Variants in CNTNAP2 observed in about 807,000 individuals in gnomAD.
CNTNAP2 encodes the protein contactin associated protein 2.
A neutral mutation model predicts 155.2 loss-of-function variants in CNTNAP2; 98 were observed. That is an observed-to-expected ratio of 0.63 (90% CI 0.54 to 0.75). CNTNAP2 has a LOEUF of 0.75. Ranked by LOEUF, CNTNAP2 falls within the 30% of genes least tolerant of loss-of-function variation. The pLI is 0.00. For synonymous variants in CNTNAP2, 651 were observed against 631.2 expected, an observed-to-expected ratio of 1.03 and a Z score of -0.47; for missense variants, 1,727 against 1,688.1, an observed-to-expected ratio of 1.02 and a Z score of -0.40.
At chr7:147,802,099 C>A (rs1217439226) in intron 13 of CNTNAP2, among the ~76,000 whole-genome samples, 21 of 139,836 alleles carry the variant, frequency 1.5e-4, no homozygotes, top group Admixed American at 1.5e-3. Context: ...ACTTCTCAGA[C>A]GGGGCGGCCG....
At chr7:146,702,100 C>T (rs952277515) in intron 1 of CNTNAP2, among the ~76,000 whole-genome samples, 2 of 152,120 alleles carry the variant, frequency 1.3e-5, no homozygotes, top group Non-Finnish European at 2.9e-5. Flanking sequence ...ACAGATGTTT[C>T]TATTTGACAT....
At chr7:148,124,070 G>T (rs1418472894) in intron 16 of CNTNAP2, among the ~76,000 whole-genome samples, 1 of 152,160 alleles carries the variant, frequency 6.6e-6, no homozygotes, top group Non-Finnish European at 1.5e-5. Context: ...GAAAACTATG[G>T]TAGAGAAGGG....
At chr7:146,947,358 A>G (rs1797197870) in intron 3 of CNTNAP2, among the ~76,000 whole-genome samples, 1 of 147,934 alleles carries the variant, frequency 6.8e-6, no homozygotes, top group Non-Finnish European at 1.5e-5. Context: ...AGCTTTGTGA[A>G]CACCCCTATC....
chr7:148,246,869 G>A (rs1474558400), intron 20 of CNTNAP2, among the ~76,000 whole-genome samples: 1 of 152,108 alleles, frequency 6.6e-6, no homozygotes, highest in Non-Finnish European at 1.5e-5. Context: ...AGACTCACAG[G>A]GAGTCAGGAA....
At chr7:146,291,421 A>G (rs1800427407) in intron 1 of CNTNAP2, among the ~76,000 whole-genome samples, 1 of 152,194 alleles carries the variant, frequency 6.6e-6, no homozygotes, top group African/African-American at 2.4e-5. Flanking sequence ...CAGTGCCTAT[A>G]AACTTTATTG....
intron 1 of CNTNAP2, among the ~76,000 whole-genome samples, chr7:146,728,632 A>G (rs911258959): frequency 6.6e-5 from 10 of 151,884 alleles, no homozygotes; most frequent in Non-Finnish European, 1.5e-4. Context: ...AAAACGAAAC[A>G]ACAGCCTTTG....
chr7:147,373,843 C>T (rs1044230012), intron 9 of CNTNAP2, among the ~76,000 whole-genome samples: 3 of 151,684 alleles, frequency 2.0e-5, no homozygotes, highest in African/African-American at 7.3e-5. Context: ...AATTATATTT[C>T]ATCTAGCACA....
chr7:146,438,597 G>A (rs1039052382), intron 1 of CNTNAP2, among the ~76,000 whole-genome samples: 3 of 151,172 alleles, frequency 2.0e-5, no homozygotes, highest in African/African-American at 7.4e-5. Context: ...AGACATGGTA[G>A]GTTATTTTCA....
intron 1 of CNTNAP2, among the ~76,000 whole-genome samples, chr7:146,164,666 G>A (rs1798285076): frequency 6.6e-6 from 1 of 152,200 alleles, no homozygotes; most frequent in Admixed American, 6.5e-5. Context: ...GCATAGGCAT[G>A]AACATTGAGT....
intron 9 of CNTNAP2, among the ~76,000 whole-genome samples, chr7:147,346,143 A>AT (rs1219413581): frequency 9.5e-4 from 10 of 10,482 alleles, no homozygotes; most frequent in Admixed American, 4.0e-3. Context: ...ATTTTATTTT[A>AT]TTTTATTTTA....
intron 13 of CNTNAP2, among the ~76,000 whole-genome samples, chr7:147,838,439 A>G (rs946625767): frequency 6.6e-6 from 1 of 152,120 alleles, no homozygotes; most frequent in African/African-American, 2.4e-5. Context: ...CAAATTTTCC[A>G]AACTTTTATA....
chr7:146,208,697 A>T (rs2116879853), intron 1 of CNTNAP2: 1 of 152,230 alleles, frequency 6.6e-6, no homozygotes, highest in Admixed American at 6.5e-5. Context: ...ATGAAGATTA[A>T]ATTATTTATT....
At chr7:148,237,439 A>G (rs192218686) in intron 20 of CNTNAP2, among the ~76,000 whole-genome samples, 7 of 152,332 alleles carry the variant, frequency 4.6e-5, no homozygotes, top group Admixed American at 2.0e-4. Flanking sequence ...ACATGGAAGA[A>G]TATTTATTAT....
intron 9 of CNTNAP2, among the ~76,000 whole-genome samples, chr7:147,342,192 C>T (rs1795777467): frequency 6.6e-6 from 1 of 152,108 alleles, no homozygotes; most frequent in South Asian, 2.1e-4. Flanking sequence ...CTCCAAATCC[C>T]ATCACATTTG....
At position 147,326,141 on chromosome 7, in the gene CNTNAP2, G is replaced by A. The variant is rs181787985; in HGVS notation, c.1498+25851G>A. ...GGGTTTCACCGTGTTAGCCAGGATGGTCTCGATCTCCTGACCTGGTGATCC... is the reference window on the plus strand; with the variant it reads ...GGGTTTCACCGTGTTAGCCAGGATGATCTCGATCTCCTGACCTGGTGATCC... On this transcript the variant is annotated intron_variant, in intron 9 of 23. Coordinates refer to ENST00000361727, the MANE Select transcript of CNTNAP2 (RefSeq NM_014141.6). Among the ~76,000 whole-genome samples, 577 of 152,300 alleles carry A rather than the reference G, an allele frequency of 3.8e-3. 1 individual carries two copies. Among genetic ancestry groups the A allele is most frequent in the Non-Finnish European group, 5.5e-3 (373 of 68,022 alleles).
chr7:146,950,020 A>T (rs1479484606), intron 3 of CNTNAP2, among the ~76,000 whole-genome samples: 1 of 152,182 alleles, frequency 6.6e-6, no homozygotes, highest in Non-Finnish European at 1.5e-5. Context: ...GATTCCAAGG[A>T]TGAAATGTGG....
chr7:146,328,523 G>T (rs1801132266), intron 1 of CNTNAP2, among the ~76,000 whole-genome samples: 1 of 151,552 alleles, frequency 6.6e-6, no homozygotes, highest in Non-Finnish European at 1.5e-5. Context: ...ACCTGTGTGT[G>T]TGTGTGTGTG....
In CNTNAP2 at chr7:146,633,832, G is replaced by GAAAAAAAAAAA. The variant is rs60993956; in HGVS notation, c.98-140425_98-140415dup. 3.7e-3 allele frequency among the ~76,000 whole-genome samples: 295 copies of GAAAAAAAAAAA among 79,014 alleles called. 22 individuals carry two copies. Among genetic ancestry groups the GAAAAAAAAAAA allele is most frequent in the African/African-American group, 9.5e-3 (158 of 16,620 alleles). 51.8% of individuals were successfully genotyped at this position (79,014 alleles called of 152,430 possible). A position where few individuals can be genotyped will look rare whatever the true frequency, so the allele number is the denominator to read the frequency against. On this transcript the variant is annotated intron_variant, in intron 1 of 23. Coordinates refer to ENST00000361727, the MANE Select transcript of CNTNAP2 (RefSeq NM_014141.6). ...GCAACAGAGCGAGACTGCATCTAGA[G>GAAAAAAAAAAA]AAAAAAAAAAAAAAAAAAAAAAAAC... is the stretch of plus-strand genomic sequence containing the variant.
rs58066282 is a variant in CNTNAP2, at chr7:146,371,365, G to GTTTTT, written c.97+254409_97+254413dup. On this transcript the variant is annotated intron_variant, in intron 1 of 23. Transcript: ENST00000361727. ...TGCAATATAATATATGCCAGTATTA[G>GTTTTT]TTTTTTTTTTTTTTTTTTTTTGAGA... Among the ~76,000 whole-genome samples the GTTTTT allele has an allele frequency of 5.7e-3, 566 of 98,522 alleles. 9 individuals carry two copies. The highest frequency in any genetic ancestry group is 8.1e-3 in the African/African-American group (180 of 22,320). The allele number at this position is 98,522 out of a possible 152,430, so 64.6% of individuals were successfully genotyped here. A position where few individuals can be genotyped will look rare whatever the true frequency, so the allele number is the denominator to read the frequency against.
Sources: allele counts gnomAD v4.1 joint callset (sites outside exome capture counted in the v4.1 genomes callset), GRCh38; gene constraint gnomAD v4.1.1; transcripts MANE v1.5; gene names NCBI Gene and HGNC (gene_info 2026-07-23, HGNC 2026-07-21).